MYO15B: variants seen among roughly 807,000 people sequenced by gnomAD.
MYO15B encodes the protein myosin XVB pseudogene.
Under a neutral mutation model 119.3 loss-of-function variants are expected in MYO15B, and 207 were observed. That is an observed-to-expected ratio of 1.73 (90% confidence interval 1.55 to 1.95). The LOEUF (loss-of-function observed/expected upper bound fraction) is 1.95. Among genes scored for constraint, MYO15B ranks in the 30% most tolerant of loss-of-function variants. The pLI, the probability that MYO15B is intolerant of heterozygous loss-of-function variation, is 0.00. For synonymous variants in MYO15B, 966 were observed against 498.9 expected (o/e 1.94, Z -12.48); for missense variants, 2,264 against 1,203.1 (o/e 1.88, Z -13.04).
In MYO15B at chr17:75,596,900, G is replaced by C. The variant is rs1210790855; in HGVS notation, c.3525+1G>C. 2.9e-6 allele frequency: 2 copies of C among 698,862 alleles called. No homozygotes were observed. The highest frequency in any genetic ancestry group is 1.7e-5 in the African/African-American group (1 of 57,162). 43.3% of individuals were successfully genotyped at this position (698,862 alleles called of 1,614,324 possible). A position where few individuals can be genotyped will look rare whatever the true frequency, so the allele number is the denominator to read the frequency against. ...GGACGCCCAGACATGGCTGTCCCAG[G>C]TAAGGGCCAGGATGGTGACCCCCCA... On this transcript the variant is annotated splice_donor_variant, in intron 14 of 63. Coordinates refer to ENST00000645453, the Ensembl canonical transcript of MYO15B. LOFTEE classifies it high-confidence loss of function.
At chr17:75,621,698 G>A (rs867099253) in intron 52 of MYO15B, 128 bp downstream of exon 52, 3 of 620,616 alleles carry the variant, frequency 4.8e-6, no homozygotes, top group Non-Finnish European at 8.8e-6. Context: ...GCTCACTGGT[G>A]GTTCCTGGAC....
At chr17:75,594,557 G>A in exon 10 of MYO15B, 2 of 651,446 alleles carry the variant, frequency 3.1e-6, no homozygotes, top group Non-Finnish European at 2.8e-6. Flanking sequence ...CCACCAGAGT[G>A]CCTGGAGGGG....
At chr17:75,590,485 C>T (rs1487745506) in intron 1 of MYO15B, 141 bp from the exon 2 acceptor site, 6 of 388,366 alleles carry the variant, frequency 1.5e-5, no homozygotes, top group East Asian at 3.7e-5. Flanking sequence ...CTGCGCATTA[C>T]TTGACAGCTC....
chr17:75,588,117 A>G (rs2056180289), exon 1 of MYO15B: 2 of 398,264 alleles, frequency 5.0e-6, no homozygotes, highest in Non-Finnish European at 8.9e-6. Flanking sequence ...GGCCGGCCTC[A>G]GGGGAGCAGG....
Position 75,613,695 on chromosome 17 carries a change from G to C in MYO15B, c.5147-10G>C. The C allele has an allele frequency of 1.4e-6, 1 of 701,264 alleles. No homozygotes were observed. Among genetic ancestry groups the C allele is most frequent in the Non-Finnish European group, 2.6e-6 (1 of 384,186 alleles). 43.4% of individuals were successfully genotyped at this position (701,264 alleles called of 1,614,324 possible). A position where few individuals can be genotyped will look rare whatever the true frequency, so the allele number is the denominator to read the frequency against. ...CCTCACTCTTGCCCCCGCCCCCCAT[G>C]CCCCTGCAGAGGAGTGCTACTCGGC... On this transcript the variant is annotated splice_polypyrimidine_tract_variant and intron_variant, in intron 28 of 63. Coordinates refer to ENST00000645453, the Ensembl canonical transcript of MYO15B.
In MYO15B at chr17:75,589,183, C is replaced by T; in HGVS notation, c.1126C>T (p.Leu376Phe). Residue 376 changes from leucine (L) to phenylalanine (F), a missense_variant, in exon 1 of 64, where the codon CTC becomes TTC. By Grantham distance (22) the Leu-to-Phe change is conservative. Coordinates refer to ENST00000645453, the Ensembl canonical transcript of MYO15B. The surrounding 1 kb of genome is among the most constrained non-coding windows in gnomAD (Gnocchi z 4.2). Reference sequence around the variant, plus strand: ...CCTGAGTGTAGCGCGAGCCCTGGGCCTCCTGCGCTGGCTGCGGCGGCGGCT... The same window carrying T: ...CCTGAGTGTAGCGCGAGCCCTGGGCTTCCTGCGCTGGCTGCGGCGGCGGCT... The T allele has an allele frequency of 2.5e-6, 1 of 396,302 alleles. No homozygotes were observed. 24.5% of individuals were successfully genotyped at this position (396,302 alleles called of 1,614,324 possible). A position where few individuals can be genotyped will look rare whatever the true frequency, so the allele number is the denominator to read the frequency against.
Position 75,617,773 on chromosome 17 carries a change from C to T in MYO15B, c.6815-37C>T, listed in dbSNP as rs1470353891. 4.4e-6 allele frequency: 3 copies of T among 686,950 alleles called. No homozygotes were observed. The African/African-American group carries it at 5.3e-5, about 12-fold the overall frequency. 42.6% of individuals were successfully genotyped at this position (686,950 alleles called of 1,614,324 possible). A position where few individuals can be genotyped will look rare whatever the true frequency, so the allele number is the denominator to read the frequency against. On this transcript the variant is annotated intron_variant, in intron 41 of 63. Transcript: ENST00000645453. ...GCCCCCATCACTCTGGCTCTGCAGC[C>T]CCTCACTGAGGCTCCTCACCCCCTC...
At chr17:75,610,472 T>TGAG (rs2057954620) in intron 22 of MYO15B, among the ~76,000 whole-genome samples, 3 of 152,108 alleles carry the variant, frequency 2.0e-5, no homozygotes, top group Non-Finnish European at 4.4e-5. Flanking sequence ...CTGCCTACTC[T>TGAG]CCCCAGGGCC....
In MYO15B at chr17:75,594,605, TG is replaced by T; in HGVS notation, c.3105+21del. ...AGGGTCACGGTGAGCCCGAGGGTCC[TG>T]GGGAGAGGGGCCTGGCCTGGCTGAC... On this transcript the variant is annotated intron_variant, in intron 10 of 63. Coordinates refer to ENST00000645453, the Ensembl canonical transcript of MYO15B. 1.5e-6 allele frequency: 1 copy of T among 687,114 alleles called. No individual in the cohort carries two copies. Among genetic ancestry groups the T allele is most frequent in the Non-Finnish European group, 2.7e-6 (1 of 376,374 alleles). The allele number at this position is 687,114 out of a possible 1,614,324, so 42.6% of individuals were successfully genotyped here. A position where few individuals can be genotyped will look rare whatever the true frequency, so the allele number is the denominator to read the frequency against.
exon 28 of MYO15B, chr17:75,613,444 A>C (rs776314406): frequency 1.5e-6 from 1 of 679,878 alleles, no homozygotes; most frequent in Non-Finnish European, 2.6e-6. Context: ...GCGGGGCCGC[A>C]TGGCGCTGGA....
At chr17:75,617,576 AGTGG>A (rs1568206650) in intron 41 of MYO15B, 1 of 502,266 alleles carries the variant, frequency 2.0e-6, no homozygotes, top group Non-Finnish European at 3.5e-6. Context: ...TGAGGAAGTT[AGTGG>A]CCCTGGCTGA....
At chr17:75,592,161 C>G in intron 6 of MYO15B, 77 bp from the exon 7 acceptor site, 1 of 701,186 alleles carries the variant, frequency 1.4e-6, no homozygotes, top group Non-Finnish European at 2.6e-6. Context: ...GGTCCAGACC[C>G]TGGTAGGGCT....
At chr17:75,596,401 C>T in intron 12 of MYO15B, 59 bp from the exon 13 acceptor site, 1 of 698,942 alleles carries the variant, frequency 1.4e-6, no homozygotes, top group Non-Finnish European at 2.6e-6. Flanking sequence ...TGAAGGAAGC[C>T]TCTGGGGTGG....
At chr17:75,602,688 C>G in intron 16 of MYO15B, 94 bp downstream of exon 16, 1 of 609,194 alleles carries the variant, frequency 1.6e-6, no homozygotes, top group Non-Finnish European at 2.9e-6. Context: ...AAGGGTTGGC[C>G]CTCAAGTCCC....
At chr17:75,591,752 C>T (rs1351841023) in intron 5 of MYO15B, 40 bp downstream of exon 5, 2 of 702,678 alleles carry the variant, frequency 2.8e-6, no homozygotes, top group South Asian at 1.5e-5. Flanking sequence ...GTTGAGCTGG[C>T]CGTCTGTCTT....
At chr17:75,625,194 C>T (rs1206744912) in exon 60 of MYO15B, 6 of 702,466 alleles carry the variant, frequency 8.5e-6, no homozygotes, top group African/African-American at 3.5e-5. Context: ...CCAGGCTGGC[C>T]GCCCTGCAGC....
In MYO15B at chr17:75,617,156, TG is replaced by T. The variant is rs1217882921; in HGVS notation, c.6669del (p.Ser2225LeufsTer49). The T allele has an allele frequency of 7.3e-6, 5 of 689,130 alleles. No individual in the cohort carries two copies. The Admixed American group carries it at 1.0e-4, about 14-fold the overall frequency. The allele number at this position is 689,130 out of a possible 1,614,324, so 42.7% of individuals were successfully genotyped here. On this transcript the variant is annotated frameshift_variant, in exon 41 of 64. Transcript: ENST00000645453. LOFTEE classifies it high-confidence loss of function. Reference sequence around the variant, plus strand: ...CTCGACCCAAGGCCCCGCTACAGCTTGGGCCCTCTAGCTCCATCAAGGAAAA... The same window carrying T: ...CTCGACCCAAGGCCCCGCTACAGCTTGGCCCTCTAGCTCCATCAAGGAAAA...
chr17:75,594,482 C>A, exon 10 of MYO15B: 1 of 605,468 alleles, frequency 1.7e-6, no homozygotes, highest in Non-Finnish European at 3.0e-6. Flanking sequence ...TAGCGAGAGT[C>A]CCAGGAGGTG....
In MYO15B at chr17:75,626,084, C is replaced by G; in HGVS notation, c.9073-4C>G. 1 of 702,662 alleles carries G rather than the reference C, an allele frequency of 1.4e-6. No homozygotes were observed. Among genetic ancestry groups the G allele is most frequent in the South Asian group, 1.5e-5 (1 of 67,560 alleles). The allele number at this position is 702,662 out of a possible 1,614,324, so 43.5% of individuals were successfully genotyped here. ...AGACCAGCCCTGCTCTCTGCTGCCC[C>G]CAGAGCCTGTACTGCCGCATTGCCC... is the stretch of plus-strand genomic sequence containing the variant. On this transcript the variant is annotated splice_polypyrimidine_tract_variant and splice_region_variant and intron_variant, in intron 62 of 63. Coordinates refer to ENST00000645453, the Ensembl canonical transcript of MYO15B.
Sources: allele counts gnomAD v4.1 joint callset (sites outside exome capture counted in the v4.1 genomes callset), GRCh38; gene constraint gnomAD v4.1.1; non-coding constraint Gnocchi (gnomAD v3.1); transcripts MANE v1.5; gene names NCBI Gene and HGNC (gene_info 2026-07-23, HGNC 2026-07-21).